Variants in SCUBE3 observed in about 807,000 individuals in gnomAD.
SCUBE3 encodes signal peptide, CUB domain and EGF like domain containing 3, also known as signal peptide, CUB and EGF-like domain-containing protein 3.
In SCUBE3, 33 loss-of-function variants were observed where a neutral mutation model predicts 116.8. That is an observed-to-expected ratio of 0.28 (90% CI 0.21 to 0.38). The LOEUF (loss-of-function observed/expected upper bound fraction) is 0.38, where lower values mean the gene tolerates loss of function less well. Ranked by LOEUF, SCUBE3 falls within the 10% of genes least tolerant of loss-of-function variation. SCUBE3 has a pLI of 1.00. For missense variants in SCUBE3, 1,007 were observed against 1,324.8 expected (o/e 0.76, Z 3.72); for synonymous variants, 418 against 496.9 (o/e 0.84, Z 2.11).
In SCUBE3 at chr6:35,241,321, G is replaced by A; in HGVS notation, c.1195+55G>A. 1.3e-6 allele frequency: 2 copies of A among 1,549,624 alleles called. No individual in the cohort carries two copies. Among genetic ancestry groups the A allele is most frequent in the Non-Finnish European group, 1.8e-6 (2 of 1,138,420 alleles). Reference sequence around the variant, plus strand: ...GACACTGCCATTTCAGGGAGCAGTTGGGGTTCTGGAAAGCATAGAGTATCA... The same window carrying A: ...GACACTGCCATTTCAGGGAGCAGTTAGGGTTCTGGAAAGCATAGAGTATCA... On this transcript the variant is annotated intron_variant, in intron 10 of 21. Coordinates refer to ENST00000274938, the MANE Select transcript of SCUBE3 (RefSeq NM_152753.4). The surrounding 1 kb of genome is among the most constrained non-coding windows in gnomAD (Gnocchi z 4.1).
chr6:35,226,399 C>T (rs1417231105), intron 1 of SCUBE3, among the ~76,000 whole-genome samples: 1 of 150,990 alleles, frequency 6.6e-6, no homozygotes, highest in African/African-American at 2.4e-5. Context: ...GCGTTTTCAA[C>T]TGAATAACAT....
chr6:35,217,343 C>T (rs774350543), intron 1 of SCUBE3, among the ~76,000 whole-genome samples: 190 of 150,192 alleles, frequency 1.3e-3, no homozygotes, highest in Non-Finnish European at 1.4e-3. Context: ...CTCTCGGCCT[C>T]CAGGGAAACT....
chr6:35,247,500 C>T (rs1255835891), intron 21 of SCUBE3, among the ~76,000 whole-genome samples: 4 of 151,044 alleles, frequency 2.6e-5, no homozygotes, highest in African/African-American at 7.3e-5. Flanking sequence ...TAAATTATCA[C>T]TGCAAAAAAG....
In SCUBE3 at chr6:35,248,865, T is replaced by A; in HGVS notation, c.*160T>A. 1 of 627,756 alleles carries A rather than the reference T, an allele frequency of 1.6e-6. No homozygotes were observed. Among genetic ancestry groups the A allele is most frequent in the South Asian group, 2.0e-5 (1 of 50,572 alleles). 38.9% of individuals were successfully genotyped at this position (627,756 alleles called of 1,614,324 possible). A position where few individuals can be genotyped will look rare whatever the true frequency, so the allele number is the denominator to read the frequency against. On this transcript the variant is annotated 3_prime_UTR_variant, in exon 22 of 22. Coordinates refer to ENST00000274938, the MANE Select transcript of SCUBE3 (RefSeq NM_152753.4). ...CAGGCACTCTCCCTTTCTGTCTTTC[T>A]AGTTTCCTTTCCTTGTCTCTCTCTG...
intron 1 of SCUBE3, chr6:35,221,861 G>A (rs1478709491): frequency 6.6e-6 from 1 of 152,240 alleles, no homozygotes; most frequent in Non-Finnish European, 1.5e-5. Flanking sequence ...TAAGTCTTAG[G>A]AGTCAAGAGA....
intron 1 of SCUBE3, among the ~76,000 whole-genome samples, chr6:35,224,900 G>T (rs1783266075): frequency 6.6e-6 from 1 of 152,170 alleles, no homozygotes; most frequent in South Asian, 2.1e-4. Context: ...CCAGAGCAGT[G>T]CTATCCTGTG....
intron 1 of SCUBE3, chr6:35,221,476 C>T (rs956282113): frequency 6.6e-6 from 1 of 152,176 alleles, no homozygotes; most frequent in Non-Finnish European, 1.5e-5. Flanking sequence ...GAAGGGATGC[C>T]ACAGATAGAG....
chr6:35,244,591 T>C lies in SCUBE3; in HGVS notation c.2240-59T>C. On this transcript the variant is annotated intron_variant, in intron 17 of 21. Transcript: ENST00000274938. This position sits in a 1 kb window ranked among gnomAD's most constrained non-coding sequence, Gnocchi z 4.3. ...GGATGAATGTATCCTGTCCATCCCATGCCCCGTAACTCCCACCTGCCTACC... is the reference window on the plus strand; with the variant it reads ...GGATGAATGTATCCTGTCCATCCCACGCCCCGTAACTCCCACCTGCCTACC... 7.2e-7 allele frequency: 1 copy of C among 1,386,762 alleles called. No homozygotes were observed. The highest frequency in any genetic ancestry group is 1.2e-5 in the South Asian group (1 of 84,474). The allele number at this position is 1,386,762 out of a possible 1,614,324, so 85.9% of individuals were successfully genotyped here.
chr6:35,247,238 C>T (rs1035538819), intron 21 of SCUBE3, among the ~76,000 whole-genome samples: 2 of 151,860 alleles, frequency 1.3e-5, no homozygotes, highest in Non-Finnish European at 2.9e-5. Flanking sequence ...AGTTCCAGAC[C>T]AGCCTGGCCA....
chr6:35,249,226 C>G lies in SCUBE3; in HGVS notation c.*521C>G, dbSNP rs1784468295. ...AGCCTTTGATTTACAGGCTTAATGC[C>G]AGCACCAGTCCTCTGGGGCACATGG... On this transcript the variant is annotated 3_prime_UTR_variant, in exon 22 of 22. Coordinates refer to ENST00000274938, the MANE Select transcript of SCUBE3 (RefSeq NM_152753.4). 6.5e-6 allele frequency: 1 copy of G among 154,756 alleles called. No individual in the cohort carries two copies. Among genetic ancestry groups the G allele is most frequent in the African/African-American group, 2.4e-5 (1 of 41,466 alleles). The allele number at this position is 154,756 out of a possible 1,614,324, so 9.6% of individuals were successfully genotyped here.
At position 35,239,946 on chromosome 6, in the gene SCUBE3, G is replaced by A. The variant is rs1030265062; in HGVS notation, c.952+72G>A. 7.2e-5 allele frequency: 100 copies of A among 1,383,222 alleles called. No homozygotes were observed. Among genetic ancestry groups the A allele is most frequent in the Non-Finnish European group, 9.4e-5 (97 of 1,030,076 alleles). 85.7% of individuals were successfully genotyped at this position (1,383,222 alleles called of 1,614,324 possible). ...GGGAGAGCTTCAAGGAGGCCAGAGGGCTAAAGTCTTAGAAACTCAATAGAT... is the reference window on the plus strand; with the variant it reads ...GGGAGAGCTTCAAGGAGGCCAGAGGACTAAAGTCTTAGAAACTCAATAGAT... On this transcript the variant is annotated intron_variant, in intron 8 of 21. Coordinates refer to ENST00000274938, the MANE Select transcript of SCUBE3 (RefSeq NM_152753.4). The surrounding 1 kb of genome is among the most constrained non-coding windows in gnomAD (Gnocchi z 4.1).
chr6:35,247,214 C>T (rs1008628755), intron 21 of SCUBE3, among the ~76,000 whole-genome samples: 10 of 151,930 alleles, frequency 6.6e-5, no homozygotes, highest in African/African-American at 2.2e-4. Context: ...GCGGGTGGAT[C>T]GCCTGAGGTC....
In SCUBE3 at chr6:35,243,210, G is replaced by A; in HGVS notation, c.1883G>A (p.Gly628Glu). Reference sequence around the variant, plus strand: ...GAGCCGATGGAGTCCTGTAGGCCCGGGCAGCACCGTGCTGGGACCAAGTGT... The same window carrying A: ...GAGCCGATGGAGTCCTGTAGGCCCGAGCAGCACCGTGCTGGGACCAAGTGT... ...RAEPMESCRP[G>E]QHRAGTKCVS... The change falls in exon 15 of 22, where the codon GGG becomes GAG. Residue 628 changes from glycine to glutamate, a missense_variant. By Grantham distance (98) the Gly-to-Glu change is moderately conservative. Transcript: ENST00000274938. This position sits in a 1 kb window ranked among gnomAD's most constrained non-coding sequence, Gnocchi z 6.6. 1 of 1,614,082 alleles carries A rather than the reference G, an allele frequency of 6.2e-7. No individual in the cohort carries two copies. The highest frequency in any genetic ancestry group is 8.5e-7 in the Non-Finnish European group (1 of 1,180,012).
chr6:35,236,992 C>T (rs1053234462), intron 6 of SCUBE3, among the ~76,000 whole-genome samples: 5 of 152,024 alleles, frequency 3.3e-5, no homozygotes, highest in African/African-American at 1.2e-4. Flanking sequence ...GGAGAGTGAC[C>T]CATCGACACT....
intron 2 of SCUBE3, 118 bp downstream of exon 2, chr6:35,227,820 G>GAA: frequency 9.2e-7 from 1 of 1,090,962 alleles, no homozygotes; most frequent in Non-Finnish European, 1.3e-6. Flanking sequence ...TGGTCAAGTG[G>GAA]TGGGGGGGTG....
chr6:35,242,495 A>T, intron 13 of SCUBE3, 127 bp from the exon 14 acceptor site: 1 of 982,722 alleles, frequency 1.0e-6, no homozygotes, highest in Non-Finnish European at 1.6e-6. Context: ...TCCACCAACT[A>T]ATTAGGACCC....
Position 35,214,331 on chromosome 6 carries a change from C to T in SCUBE3, c.-88C>T, listed in dbSNP as rs1782797100. 3.8e-6 allele frequency: 3 copies of T among 785,850 alleles called. No individual in the cohort carries two copies. The highest frequency in any genetic ancestry group is 5.3e-6 in the Non-Finnish European group (3 of 568,326). 48.7% of individuals were successfully genotyped at this position (785,850 alleles called of 1,614,324 possible). A position where few individuals can be genotyped will look rare whatever the true frequency, so the allele number is the denominator to read the frequency against. Reference sequence around the variant, plus strand: ...CCCGGCGGGGCGCCCCCTCCCCTCCCCCTCCTGCGAGCTGGGATCCGGCCG... The same window carrying T: ...CCCGGCGGGGCGCCCCCTCCCCTCCTCCTCCTGCGAGCTGGGATCCGGCCG... On this transcript the variant is annotated 5_prime_UTR_variant, in exon 1 of 22. Transcript: ENST00000274938. This position sits in a 1 kb window ranked among gnomAD's most constrained non-coding sequence, Gnocchi z 6.3.
Position 35,239,145 on chromosome 6 carries a change from C to T in SCUBE3, c.830-607C>T, listed in dbSNP as rs1038481863. 3.3e-5 allele frequency among the ~76,000 whole-genome samples: 5 copies of T among 152,098 alleles called. No homozygotes were observed. The highest frequency in any genetic ancestry group is 1.2e-4 in the African/African-American group (5 of 41,412). Reference sequence around the variant, plus strand: ...GCCTCAGGCCTGAGTCTCTCCAGATCTCTCCCAGTCCAGCCCCTTGCCTGG... The same window carrying T: ...GCCTCAGGCCTGAGTCTCTCCAGATTTCTCCCAGTCCAGCCCCTTGCCTGG... On this transcript the variant is annotated intron_variant, in intron 7 of 21. Coordinates refer to ENST00000274938, the MANE Select transcript of SCUBE3 (RefSeq NM_152753.4). The surrounding 1 kb of genome is among the most constrained non-coding windows in gnomAD (Gnocchi z 4.1).
At position 35,245,246 on chromosome 6, in the gene SCUBE3, A is replaced by T; in HGVS notation, c.2420A>T (p.Glu807Val). The change falls in exon 19 of 22, where the codon GAG becomes GTG. Residue 807 changes from glutamate (E) to valine (V), a missense_variant. Transcript: ENST00000274938. This position sits in a 1 kb window ranked among gnomAD's most constrained non-coding sequence, Gnocchi z 4.2. ...AQCKNRQCGG[E>V]LGEFTGYIES... ...GCTGCAGATCGTCAGTGTGGTGGGG[A>T]GCTGGGTGAGTTCACTGGCTATATT... 2 of 1,613,958 alleles carry T rather than the reference A, an allele frequency of 1.2e-6. No individual in the cohort carries two copies. The highest frequency in any genetic ancestry group is 1.1e-5 in the South Asian group (1 of 91,074).
Sources: allele counts gnomAD v4.1 joint callset (sites outside exome capture counted in the v4.1 genomes callset), GRCh38; gene constraint gnomAD v4.1.1; non-coding constraint Gnocchi (gnomAD v3.1); transcripts MANE v1.5; gene names NCBI Gene and HGNC (gene_info 2026-07-23, HGNC 2026-07-21).